The following NF1 variants were observed in gnomAD, a reference collection of about 807,000 sequenced individuals.
NF1 encodes neurofibromin 1.
A neutral mutation model predicts 325.7 loss-of-function variants in NF1; 122 were observed. That is an observed-to-expected ratio of 0.37 (90% CI 0.32 to 0.44). The LOEUF is 0.44. NF1 is among the 20% of genes least tolerant of loss of function. NF1 has a pLI of 1.00. For synonymous variants in NF1, 1,091 were observed against 1,186.0 expected (o/e 0.92, Z 1.65); for missense variants, 2,140 against 3,415.4 (o/e 0.63, Z 9.31).
intron 8 of NF1, among the ~76,000 whole-genome samples, chr17:31,187,609 G>C (rs530203913): frequency 6.6e-6 from 1 of 152,278 alleles, no homozygotes; most frequent in Non-Finnish European, 1.5e-5. Flanking sequence ...ACTTTGCAGG[G>C]CTGGAGCAAA....
At chr17:31,216,495 A>G (rs926537383) in intron 13 of NF1, among the ~76,000 whole-genome samples, 2 of 152,218 alleles carry the variant, frequency 1.3e-5, no homozygotes, top group African/African-American at 4.8e-5. Flanking sequence ...GGTCTCAATC[A>G]TGGTATTTTT....
intron 1 of NF1, among the ~76,000 whole-genome samples, chr17:31,123,326 A>G (rs1914594764): frequency 6.6e-6 from 1 of 152,222 alleles, no homozygotes; most frequent in African/African-American, 2.4e-5. Flanking sequence ...ATTTATATAT[A>G]TGGTTAAATG....
chr17:31,255,391 A>T (rs572476061), intron 31 of NF1, among the ~76,000 whole-genome samples: 1 of 152,124 alleles, frequency 6.6e-6, no homozygotes, highest in Non-Finnish European at 1.5e-5. Context: ...ATGAGGTAAA[A>T]TTACATTGAT....
intron 29 of NF1, among the ~76,000 whole-genome samples, chr17:31,246,105 T>C (rs1034912794): frequency 2.0e-5 from 3 of 152,210 alleles, no homozygotes; most frequent in Non-Finnish European, 4.4e-5. Context: ...TATTGAGTAC[T>C]TAGTGTGGAA....
intron 36 of NF1, among the ~76,000 whole-genome samples, chr17:31,287,396 C>T (rs370971559): frequency 8.5e-5 from 13 of 152,192 alleles, no homozygotes; most frequent in African/African-American, 1.7e-4. Context: ...AAACACACAC[C>T]GTAGGTGATA....
chr17:31,222,270 G>A, intron 15 of NF1: 1 of 1,052,970 alleles, frequency 9.5e-7, no homozygotes, highest in East Asian at 5.4e-5. Context: ...ATAAAATTTT[G>A]TAACAATACT....
intron 36 of NF1, among the ~76,000 whole-genome samples, chr17:31,281,735 T>C (rs2068122061): frequency 6.6e-6 from 1 of 152,006 alleles, no homozygotes; most frequent in Admixed American, 6.6e-5. Context: ...AAAAAAAAAT[T>C]CATTGAAATG....
chr17:31,125,960 G>A (rs1914848818), intron 1 of NF1, among the ~76,000 whole-genome samples: 1 of 152,160 alleles, frequency 6.6e-6, no homozygotes. Flanking sequence ...TATGGGGCCG[G>A]GTGCAGTGGC....
chr17:31,331,373 A>G (rs1047363170), intron 39 of NF1: 2 of 152,256 alleles, frequency 1.3e-5, no homozygotes, highest in Non-Finnish European at 2.9e-5. Flanking sequence ...TACAAATTTA[A>G]TGTAATTTCA....
chr17:31,235,963 C>T lies in NF1; in HGVS notation c.3916C>T (p.Arg1306Ter), dbSNP rs376576925. 6.2e-7 allele frequency: 1 copy of T among 1,613,896 alleles called. No individual in the cohort carries two copies. Among genetic ancestry groups the T allele is most frequent in the Non-Finnish European group, 8.5e-7 (1 of 1,179,952 alleles). The part of the protein sequence containing the change: ...YLQKLLDPLL[R>*]IVITSSDWQH... ...ACAAAAACTCCTGGATCCTTTATTA[C>T]GAATTGTGATCACATCCTCTGATTG... Residue 1306 changes from arginine (R) to a stop codon, truncating the protein, a stop_gained, in exon 29 of 58, where the codon CGA becomes TGA. Transcript: ENST00000358273. LOFTEE classifies it high-confidence loss of function.
intron 1 of NF1, among the ~76,000 whole-genome samples, chr17:31,125,716 A>G (rs962142439): frequency 1.1e-4 from 16 of 151,868 alleles, no homozygotes; most frequent in African/African-American, 2.9e-4. Flanking sequence ...TTGTATTTTT[A>G]TTAGAGACGG....
intron 16 of NF1, among the ~76,000 whole-genome samples, chr17:31,223,973 G>A (rs1235290236): frequency 3.9e-5 from 6 of 152,136 alleles, no homozygotes; most frequent in Non-Finnish European, 8.8e-5. Context: ...TTATGGCGTA[G>A]ATTTGGGAGT....
At chr17:31,164,377 A>C (rs1041801356) in intron 4 of NF1, among the ~76,000 whole-genome samples, 1 of 152,228 alleles carries the variant, frequency 6.6e-6, no homozygotes, top group African/African-American at 2.4e-5. Context: ...ATGGGATAGA[A>C]TTATAAGTGA....
At chr17:31,356,631 T>C (rs2070277451) in intron 52 of NF1, 49 bp downstream of exon 52, 1 of 1,607,860 alleles carries the variant, frequency 6.2e-7, no homozygotes, top group African/African-American at 1.3e-5. Context: ...GGTGGGAGAG[T>C]ACATGAAAGT....
intron 8 of NF1, among the ~76,000 whole-genome samples, chr17:31,195,205 A>G (rs888688917): frequency 3.3e-5 from 5 of 152,256 alleles, no homozygotes; most frequent in South Asian, 2.1e-4. Context: ...TAAGCTTCCT[A>G]TTCACTCTTG....
intron 36 of NF1, among the ~76,000 whole-genome samples, chr17:31,300,783 C>G (rs999605902): frequency 6.6e-6 from 1 of 152,026 alleles, no homozygotes; most frequent in African/African-American, 2.4e-5. Context: ...ATCATGGTGT[C>G]GAGTTCTATA....
chr17:31,284,038 C>T (rs894318712), intron 36 of NF1, among the ~76,000 whole-genome samples: 1 of 152,128 alleles, frequency 6.6e-6, no homozygotes, highest in Non-Finnish European at 1.5e-5. Flanking sequence ...GTGGTTATGA[C>T]TTGACACATA....
intron 36 of NF1, among the ~76,000 whole-genome samples, chr17:31,283,291 C>T (rs1299422592): frequency 6.6e-6 from 1 of 151,862 alleles, no homozygotes; most frequent in Non-Finnish European, 1.5e-5. Flanking sequence ...GTGGCGGGCA[C>T]CTGTAGTCCC....
intron 11 of NF1, 91 bp from the exon 12 acceptor site, chr17:31,206,149 A>G (rs1597688493): frequency 6.8e-7 from 1 of 1,465,212 alleles, no homozygotes; most frequent in Non-Finnish European, 9.5e-7. Flanking sequence ...TCCCGACAAA[A>G]GGATAAAACT....
Sources: gnomAD v4.1 joint callset for allele counts (sites outside exome capture counted in the v4.1 genomes callset) on GRCh38, gnomAD v4.1.1 for gene constraint, MANE v1.5 for transcripts, NCBI Gene and HGNC (gene_info 2026-07-23, HGNC 2026-07-21) for gene names.